Variants in PARD3B observed in about 807,000 individuals in gnomAD.
PARD3B encodes the protein par-3 family cell polarity regulator beta, also known as partitioning defective 3 homolog B.
In PARD3B, 103 loss-of-function variants were observed where a neutral mutation model predicts 130.2. That is an observed-to-expected ratio of 0.79 (90% CI 0.67 to 0.93). The LOEUF is 0.93. Among genes scored for constraint, PARD3B ranks in the 40% least tolerant of loss-of-function variants. The probability of loss-of-function intolerance (pLI) is 0.00; values close to 1 mark genes in which losing one functional copy is unlikely to be tolerated. For missense variants in PARD3B, 1,609 were observed against 1,499.2 expected (o/e 1.07, Z -1.21); for synonymous variants, 583 against 553.2 (o/e 1.05, Z -0.76).
intron 22 of PARD3B, among the ~76,000 whole-genome samples, chr2:205,560,978 T>G (rs534205320): frequency 1.3e-5 from 2 of 152,330 alleles, no homozygotes; most frequent in South Asian, 4.1e-4. Context: ...ATGTTTCAGT[T>G]GGTTCATTTT....
At chr2:205,472,241 G>A (rs578018911) in intron 20 of PARD3B, among the ~76,000 whole-genome samples, 12 of 152,158 alleles carry the variant, frequency 7.9e-5, no homozygotes, top group Non-Finnish European at 1.6e-4. Context: ...AAATTAAACC[G>A]TCTCTGGATT....
At chr2:205,357,582 A>G (rs1285743489) in intron 18 of PARD3B, among the ~76,000 whole-genome samples, 1 of 152,194 alleles carries the variant, frequency 6.6e-6, no homozygotes, top group Non-Finnish European at 1.5e-5. Flanking sequence ...TAAAATAAGT[A>G]CACAAAATGA....
chr2:205,110,122 C>T (rs190288469), intron 5 of PARD3B, among the ~76,000 whole-genome samples: 8 of 152,232 alleles, frequency 5.3e-5, no homozygotes, highest in South Asian at 2.1e-4. Flanking sequence ...AAATTACCCC[C>T]GGCTCCCCAT....
chr2:204,786,008 G>A (rs566772957), intron 2 of PARD3B, among the ~76,000 whole-genome samples: 1 of 151,724 alleles, frequency 6.6e-6, no homozygotes, highest in African/African-American at 2.4e-5. Context: ...CAGCCACTCA[G>A]GAGGCTGTGG....
At chr2:205,154,644 C>G (rs899597340) in intron 10 of PARD3B, among the ~76,000 whole-genome samples, 3 of 152,198 alleles carry the variant, frequency 2.0e-5, no homozygotes, top group African/African-American at 7.2e-5. Flanking sequence ...TTGGAACCAA[C>G]CCAAATGTCC....
chr2:205,196,332 T>G (rs1277194691), intron 15 of PARD3B, among the ~76,000 whole-genome samples: 2 of 152,188 alleles, frequency 1.3e-5, no homozygotes, highest in African/African-American at 4.8e-5. Context: ...TTGTTGTTGT[T>G]TTGGTGGGTT....
intron 18 of PARD3B, among the ~76,000 whole-genome samples, chr2:205,327,897 A>G (rs890044874): frequency 2.0e-5 from 3 of 152,228 alleles, no homozygotes; most frequent in Non-Finnish European, 4.4e-5. Flanking sequence ...ACTCAGAATC[A>G]CTAAGTTGAT....
intron 15 of PARD3B, among the ~76,000 whole-genome samples, chr2:205,219,973 A>T (rs542325920): frequency 6.6e-6 from 1 of 152,244 alleles, no homozygotes; most frequent in South Asian, 2.1e-4. Context: ...AGCAAATCAC[A>T]CTGGATGACA....
At chr2:205,371,207 T>G (rs1176959832) in intron 18 of PARD3B, among the ~76,000 whole-genome samples, 1 of 152,240 alleles carries the variant, frequency 6.6e-6, no homozygotes, top group Non-Finnish European at 1.5e-5. Flanking sequence ...TATTCACTTT[T>G]AATGTCTCTA....
chr2:204,597,211 T>C lies in PARD3B; in HGVS notation c.120+51092T>C, dbSNP rs180672987. Among the ~76,000 whole-genome samples, 427 of 152,168 alleles carry C rather than the reference T, an allele frequency of 2.8e-3. 1 individual carries two copies. Among genetic ancestry groups the C allele is most frequent in the African/African-American group, 9.5e-3 (395 of 41,538 alleles). ...TTCTGTGTAATGCTTCCACAAGTCA[T>C]TTCTGCGAATGGATGAATTTTTCTT... On this transcript the variant is annotated intron_variant, in intron 1 of 22. Coordinates refer to ENST00000406610, the MANE Select transcript of PARD3B (RefSeq NM_001302769.2).
chr2:205,013,160 G>A (rs1255442982), intron 3 of PARD3B, among the ~76,000 whole-genome samples: 2 of 152,082 alleles, frequency 1.3e-5, no homozygotes, highest in South Asian at 2.1e-4. Context: ...TACTTGGTCC[G>A]GTGACAGTTT....
At chr2:204,918,423 G>T (rs577650107) in intron 2 of PARD3B, among the ~76,000 whole-genome samples, 2 of 152,192 alleles carry the variant, frequency 1.3e-5, no homozygotes, top group African/African-American at 4.8e-5. Context: ...GAGGTCAGGA[G>T]ATCGAGACCA....
intron 19 of PARD3B, among the ~76,000 whole-genome samples, chr2:205,410,652 AG>A (rs1244184868): frequency 6.6e-6 from 1 of 152,160 alleles, no homozygotes; most frequent in Non-Finnish European, 1.5e-5. Flanking sequence ...ATAATATACT[AG>A]TAATCTTAAT....
intron 10 of PARD3B, among the ~76,000 whole-genome samples, chr2:205,147,729 C>T (rs577951080): frequency 1.3e-5 from 2 of 152,220 alleles, no homozygotes; most frequent in South Asian, 2.1e-4. Context: ...CACATAAGGA[C>T]GTATATTTAA....
intron 2 of PARD3B, among the ~76,000 whole-genome samples, chr2:204,804,534 A>C (rs1313771175): frequency 6.6e-6 from 1 of 152,190 alleles, no homozygotes; most frequent in Non-Finnish European, 1.5e-5. Context: ...AGACCCCAAT[A>C]TGTTAATAGC....
chr2:205,405,088 A>G lies in PARD3B; in HGVS notation c.2741+3965A>G, dbSNP rs987090439. On this transcript the variant is annotated intron_variant, in intron 19 of 22. Coordinates refer to ENST00000406610, the MANE Select transcript of PARD3B (RefSeq NM_001302769.2). The surrounding 1 kb of genome is among the most constrained non-coding windows in gnomAD (Gnocchi z 4.1). ...GAAACCATTTTGCTGCTATATATGG[A>G]TAGTTTATCTATAGCTACATGTACT... 4.6e-5 allele frequency among the ~76,000 whole-genome samples: 7 copies of G among 152,032 alleles called. No homozygotes were observed. The highest frequency in any genetic ancestry group is 7.4e-5 in the Non-Finnish European group (5 of 68,008).
At chr2:205,517,743 A>C (rs1410295297) in intron 21 of PARD3B, among the ~76,000 whole-genome samples, 8 of 152,148 alleles carry the variant, frequency 5.3e-5, no homozygotes, top group Admixed American at 3.3e-4. Flanking sequence ...TTCCCTTTTA[A>C]CACTGCCTTA....
At chr2:204,653,556 C>T (rs528477994) in intron 1 of PARD3B, among the ~76,000 whole-genome samples, 11 of 150,562 alleles carry the variant, frequency 7.3e-5, no homozygotes, top group East Asian at 5.8e-4. Flanking sequence ...TTTGGGAGGC[C>T]GAGGTGGGTG....
At chr2:204,926,443 G>A (rs1178161504) in intron 2 of PARD3B, among the ~76,000 whole-genome samples, 3 of 151,974 alleles carry the variant, frequency 2.0e-5, no homozygotes, top group African/African-American at 7.3e-5. Context: ...GAGGAAAATA[G>A]CACACCCCTC....
Sources: gnomAD v4.1 joint callset for allele counts (sites outside exome capture counted in the v4.1 genomes callset) on GRCh38, gnomAD v4.1.1 for gene constraint, Gnocchi (gnomAD v3.1) non-coding constraint, MANE v1.5 for transcripts, NCBI Gene and HGNC (gene_info 2026-07-23, HGNC 2026-07-21) for gene names.